Variants in LIPM observed in about 807,000 individuals in gnomAD.
LIPM encodes the protein lipase family member M.
Under a neutral mutation model 42.4 loss-of-function variants are expected in LIPM, and 42 were observed. The observed-to-expected ratio is 0.99, with a 90% confidence interval of 0.77 to 1.28. The LOEUF (loss-of-function observed/expected upper bound fraction) is 1.28, where lower values mean the gene tolerates loss of function less well. Among genes scored for constraint, LIPM ranks in the 50% most tolerant of loss-of-function variants. The pLI is 0.00. For synonymous variants in LIPM, 177 were observed against 173.3 expected (o/e 1.02, Z -0.17); for missense variants, 524 against 520.1 (o/e 1.01, Z -0.07).
At chr10:88,814,398 G>A in intron 3 of LIPM, 132 bp from the exon 4 acceptor site, 1 of 632,902 alleles carries the variant, frequency 1.6e-6, no homozygotes. Context: ...CATTCTGAGT[G>A]TTGTGAGGGA....
intron 7 of LIPM, 108 bp from the exon 8 acceptor site, chr10:88,817,717 G>T: frequency 1.4e-6 from 1 of 692,254 alleles, no homozygotes. Context: ...CTCAACCATT[G>T]CTCTCTCCTT....
chr10:88,805,436 A>G (rs1203812284), intron 1 of LIPM, among the ~76,000 whole-genome samples: 1 of 152,236 alleles, frequency 6.6e-6, no homozygotes, highest in Non-Finnish European at 1.5e-5. Context: ...TTATATCTGG[A>G]TGGTCTTTTA....
Position 88,816,846 on chromosome 10 carries a change from C to G in LIPM, c.889C>G (p.Leu297Val). Residue 297 changes from leucine to valine, a missense_variant, in exon 7 of 9, where the codon CTT (leucine) becomes GTT (valine). By Grantham distance (32) the Leu-to-Val change is conservative (BLOSUM62 1). Transcript: ENST00000404743. The part of the protein sequence containing the change: ...SRASVYAAHT[L>V]AGTSVQNILH... ...AGCAAGTGTATATGCTGCCCACACT[C>G]TTGCTGGAACATCTGTGCAAAATAT... 1.3e-6 allele frequency: 2 copies of G among 1,551,544 alleles called. No individual in the cohort carries two copies. The highest frequency in any genetic ancestry group is 8.7e-7 in the Non-Finnish European group (1 of 1,146,880).
chr10:88,817,471 T>C (rs529293450), intron 7 of LIPM, among the ~76,000 whole-genome samples: 3 of 152,260 alleles, frequency 2.0e-5, no homozygotes, highest in African/African-American at 7.2e-5. Context: ...TCAATTAAAT[T>C]TTGGTTGCTA....
chr10:88,807,730 T>C (rs530361957), intron 1 of LIPM, among the ~76,000 whole-genome samples: 1 of 152,338 alleles, frequency 6.6e-6, no homozygotes, highest in East Asian at 1.9e-4. Context: ...TCTGTGGTTT[T>C]AGAACTGGAA....
At chr10:88,817,306 C>T (rs971931535) in intron 7 of LIPM, among the ~76,000 whole-genome samples, 2 of 152,186 alleles carry the variant, frequency 1.3e-5, no homozygotes, top group Non-Finnish European at 2.9e-5. Flanking sequence ...GCAAACTTTA[C>T]CTGCAATTAC....
Position 88,808,365 on chromosome 10 carries a change from T to A in LIPM, c.215T>A (p.Ile72Asn). The A allele has an allele frequency of 6.4e-7, 1 of 1,551,616 alleles. No homozygotes were observed. ...GAAGTCGCAACTGAAGATGGGTATA[T>A]CCTTTCTGTTAACAGGATTCCTCGA... ...EYEVATEDGY[I>N]LSVNRIPRGL... Residue 72 changes from isoleucine (I) to asparagine (N), a missense_variant, in exon 2 of 9, where the codon ATC becomes AAC. Transcript: ENST00000404743.
chr10:88,818,925 T>A (rs1433145449), intron 8 of LIPM, among the ~76,000 whole-genome samples: 1 of 152,206 alleles, frequency 6.6e-6, no homozygotes, highest in Non-Finnish European at 1.5e-5. Flanking sequence ...TCTTGCTCTG[T>A]CACCCAGGCT....
In LIPM at chr10:88,802,889, G is replaced by A. The variant is rs1463799142; in HGVS notation, c.-8G>A. The stretch of plus-strand genomic sequence containing the variant: ...TTGGCAGGAAAAAATAAATGCAGAT[G>A]TTGGACCATGTTGGAAACCTTGTCA... On this transcript the variant is annotated 5_prime_UTR_variant, in exon 1 of 9. The change abolishes an upstream ATG in the 5' untranslated region. Coordinates refer to ENST00000404743, the MANE Select transcript of LIPM (RefSeq NM_001128215.1). 39 of 1,536,722 alleles carry A rather than the reference G, an allele frequency of 2.5e-5. No homozygotes were observed. Among genetic ancestry groups the A allele is most frequent in the Admixed American group, 4.3e-5 (2 of 46,356 alleles).
At position 88,813,166 on chromosome 10, in the gene LIPM, C is replaced by T; in HGVS notation, c.335C>T (p.Pro112Leu). The change falls in exon 3 of 9, where the codon CCC becomes CTC. Residue 112 changes from proline (P) to leucine (L), a missense_variant. Transcript: ENST00000404743. ...GCTAGCAACTGGATTTCCAACCTGCCCAACAATAGCCTGGGCTTCATTCTG... is the reference window on the plus strand; with the variant it reads ...GCTAGCAACTGGATTTCCAACCTGCTCAACAATAGCCTGGGCTTCATTCTG... Reference protein sequence around the residue: ...GGASNWISNLPNNSLGFILAD... With the variant: ...GGASNWISNLLNNSLGFILAD... 3 of 1,613,098 alleles carry T rather than the reference C, an allele frequency of 1.9e-6. No homozygotes were observed. Among genetic ancestry groups the T allele is most frequent in the Non-Finnish European group, 2.5e-6 (3 of 1,179,526 alleles).
At chr10:88,809,590 C>T (rs1589313552) in intron 2 of LIPM, among the ~76,000 whole-genome samples, 1 of 152,234 alleles carries the variant, frequency 6.6e-6, no homozygotes, top group South Asian at 2.1e-4. Flanking sequence ...GCAACTTGCC[C>T]AAAACGTCTG....
In LIPM at chr10:88,820,237, T is replaced by C. The variant is rs1387419840; in HGVS notation, c.1008T>C (p.Thr336=). ...TKNLEKCNQP[T]PVRYRVRDMT... is the part of the protein sequence containing the mutation. Reference sequence around the variant, plus strand: ...GAACTATTCCTTTTCTCTAGCCAACTCCTGTAAGGTACAGAGTCAGAGATA... The same window carrying C: ...GAACTATTCCTTTTCTCTAGCCAACCCCTGTAAGGTACAGAGTCAGAGATA... The change falls in exon 9 of 9, where the codon ACT becomes ACC. Residue 336 remains threonine, a synonymous_variant. Transcript: ENST00000404743. 35 of 1,549,960 alleles carry C rather than the reference T, an allele frequency of 2.3e-5. No homozygotes were observed. The highest frequency in any genetic ancestry group is 2.9e-5 in the Non-Finnish European group (33 of 1,146,498).
chr10:88,815,072 A>G lies in LIPM; in HGVS notation c.575-16A>G. On this transcript the variant is annotated splice_polypyrimidine_tract_variant and intron_variant, in intron 4 of 8. Transcript: ENST00000404743. The stretch of plus-strand genomic sequence containing the variant: ...AAATATTTCGTATTCATGTTGACAT[A>G]TTTCTTCTTTTGCAGGCTTTATTGC... The G allele has an allele frequency of 2.0e-6, 3 of 1,524,212 alleles. No homozygotes were observed. The highest frequency in any genetic ancestry group is 1.8e-6 in the Non-Finnish European group (2 of 1,139,032). The allele number at this position is 1,524,212 out of a possible 1,614,324, so 94.4% of individuals were successfully genotyped here. A position where few individuals can be genotyped will look rare whatever the true frequency, so the allele number is the denominator to read the frequency against.
chr10:88,813,912 A>G (rs564971602), intron 3 of LIPM, among the ~76,000 whole-genome samples: 21 of 152,102 alleles, frequency 1.4e-4, no homozygotes, highest in Admixed American at 3.9e-4. Flanking sequence ...CACTATCACG[A>G]GAACAGCACA....
Position 88,816,888 on chromosome 10 carries a change from G to A in LIPM, c.930+1G>A. ...GCAAAATATTCTACACTGGAGCCAG[G>A]TAAGAATGTTGAATTTGCAGTCTTT... On this transcript the variant is annotated splice_donor_variant, in intron 7 of 8. Transcript: ENST00000404743. LOFTEE classifies it high-confidence loss of function. 1.3e-6 allele frequency: 2 copies of A among 1,550,452 alleles called. No homozygotes were observed. The highest frequency in any genetic ancestry group is 1.7e-6 in the Non-Finnish European group (2 of 1,145,892).
At chr10:88,803,156 A>T in intron 1 of LIPM, 113 bp downstream of exon 1, 2 of 1,199,560 alleles carry the variant, frequency 1.7e-6, no homozygotes, top group East Asian at 5.4e-5. Context: ...CTAGAAGAGC[A>T]TAGTGATGAA....
rs79804226 is a variant in LIPM, at chr10:88,814,985, G to A, written c.575-103G>A. On this transcript the variant is annotated intron_variant, in intron 4 of 8. Coordinates refer to ENST00000404743, the MANE Select transcript of LIPM (RefSeq NM_001128215.1). Reference sequence around the variant, plus strand: ...AATTTTATAGGAGAGGTAAGATGCAGTCACATATATACTTATTGAAATATG... The same window carrying A: ...AATTTTATAGGAGAGGTAAGATGCAATCACATATATACTTATTGAAATATG... 14,896 of 1,055,138 alleles carry A rather than the reference G, an allele frequency of 0.014. 620 individuals carry two copies. The East Asian group carries it at 0.16, about 11-fold the overall frequency. 65.4% of individuals were successfully genotyped at this position (1,055,138 alleles called of 1,614,324 possible).
In LIPM at chr10:88,813,758, C is replaced by A. The variant is rs111791725; in HGVS notation, c.464+463C>A. Among the ~76,000 whole-genome samples, 6 of 152,152 alleles carry A rather than the reference C, an allele frequency of 3.9e-5. 1 individual carries two copies. The highest frequency in any genetic ancestry group is 1.4e-4 in the African/African-American group (6 of 41,510). On this transcript the variant is annotated intron_variant, in intron 3 of 8. Coordinates refer to ENST00000404743, the MANE Select transcript of LIPM (RefSeq NM_001128215.1). The stretch of plus-strand genomic sequence containing the variant: ...GGGTTTTAATTTACTCACAGTTCAG[C>A]GGGGCTGGGGAGGCCTCAGGAAACT...
At position 88,815,375 on chromosome 10, in the gene LIPM, G is replaced by T; in HGVS notation, c.730G>T (p.Glu244Ter). Residue 244 changes from glutamate to a stop codon, truncating the protein, a stop_gained, in exon 6 of 9, where the codon GAA becomes TAA. Transcript: ENST00000404743. LOFTEE classifies it high-confidence loss of function. ...TTCACAGGGATTGTTTGGCAAAAAA[G>T]AATTTCTGTATCAGACCAGATTTCT... ...MMIKGLFGKK[E>*]FLYQTRFLRQ... 5.2e-6 allele frequency: 8 copies of T among 1,551,526 alleles called. No individual in the cohort carries two copies. The highest frequency in any genetic ancestry group is 6.1e-6 in the Non-Finnish European group (7 of 1,146,926).
Sources: gnomAD v4.1 joint callset for allele counts (sites outside exome capture counted in the v4.1 genomes callset) on GRCh38, gnomAD v4.1.1 for gene constraint, MANE v1.5 for transcripts, NCBI Gene and HGNC (gene_info 2026-07-23, HGNC 2026-07-21) for gene names.